HSP90AA1: variants seen among roughly 807,000 people sequenced by gnomAD.
HSP90AA1 encodes the protein heat shock protein HSP 90-alpha.
A neutral mutation model predicts 73.3 loss-of-function variants in HSP90AA1; 18 were observed. That is an observed-to-expected ratio of 0.25 (90% CI 0.17 to 0.36). HSP90AA1 has a LOEUF of 0.36. HSP90AA1 is among the 10% of genes least tolerant of loss of function. HSP90AA1 has a pLI of 1.00. For synonymous variants in HSP90AA1, 477 were observed against 296.9 expected (o/e 1.61, Z -6.24); for missense variants, 704 against 874.2 (o/e 0.81, Z 2.45).
intron 1 of HSP90AA1, among the ~76,000 whole-genome samples, chr14:102,112,487 T>C (rs1254463999): frequency 6.6e-6 from 1 of 152,084 alleles, no homozygotes; most frequent in African/African-American, 2.4e-5. Flanking sequence ...CCTTTTTTTT[T>C]GTTTTAAAAG....
intron 1 of HSP90AA1, among the ~76,000 whole-genome samples, chr14:102,116,200 A>G (rs1357280353): frequency 1.3e-5 from 2 of 151,560 alleles, no homozygotes; most frequent in Admixed American, 6.6e-5. Flanking sequence ...TGATCCACCA[A>G]CCTTGGCCTC....
At chr14:102,089,990 C>G (rs1426726253), upstream of HSP90AA1, among the ~76,000 whole-genome samples, 1 of 152,166 alleles carries the variant, frequency 6.6e-6, no homozygotes, top group Non-Finnish European at 1.5e-5. Context: ...CCTATCTATT[C>G]CCTCCTCCCC....
At chr14:102,136,631 T>TA (rs1005602340) in intron 1 of HSP90AA1, among the ~76,000 whole-genome samples, 127 of 147,156 alleles carry the variant, frequency 8.6e-4, no homozygotes, top group African/African-American at 3.0e-3. Context: ...CTCACGCCTA[T>TA]AATCCCAGCA....
rs1237487725 is a variant in HSP90AA1 at position 102,083,178 on chromosome 14, C to T, written c.1611G>A (p.Glu537=). 6.2e-7 allele frequency: 1 copy of T among 1,613,862 alleles called. No individual in the cohort carries two copies. Among genetic ancestry groups the T allele is most frequent in the African/African-American group, 1.3e-5 (1 of 74,906 alleles). The change falls in exon 9 of 11, where the codon GAG becomes GAA. Residue 537 remains glutamate (E), a synonymous_variant. Transcript: ENST00000216281. ...TGGTGACTGACACTAAAGTCTTCCC[C>T]TCAAATTCCTTCAGCTGTTGGACAC... The part of the protein sequence containing the change: ...EYCVQQLKEF[E]GKTLVSVTKE...
At chr14:102,087,116 T>A (rs1440893555), upstream of HSP90AA1, 2 of 982,912 alleles carry the variant, frequency 2.0e-6, no homozygotes, top group East Asian at 2.3e-4. Context: ...TCCAGAAGCC[T>A]CCCGAACCTT....
chr14:102,133,212 G>T (rs890907477), intron 1 of HSP90AA1, among the ~76,000 whole-genome samples: 2 of 151,878 alleles, frequency 1.3e-5, no homozygotes, highest in African/African-American at 4.8e-5. Context: ...CCCAGGAGGT[G>T]GAGGTTGCAG....
At chr14:102,119,636 G>A (rs1047651119) in intron 1 of HSP90AA1, among the ~76,000 whole-genome samples, 5 of 152,154 alleles carry the variant, frequency 3.3e-5, no homozygotes, top group East Asian at 1.9e-4. Context: ...TTACAAGCAC[G>A]TGCCACCATG....
intron 1 of HSP90AA1, among the ~76,000 whole-genome samples, chr14:102,120,630 G>A (rs1260215895): frequency 6.6e-6 from 1 of 151,874 alleles, no homozygotes; most frequent in African/African-American, 2.4e-5. Flanking sequence ...AACCTATTTT[G>A]TTATAGGTAT....
intron 6 of HSP90AA1, 104 bp downstream of exon 6, chr14:102,084,295 C>T (rs1466527906): frequency 1.4e-5 from 15 of 1,080,880 alleles, no homozygotes; most frequent in Non-Finnish European, 2.1e-5. Flanking sequence ...ATCTGCCCAC[C>T]CCGGCCTCCC....
chr14:102,126,163 G>C (rs2049836532), intron 1 of HSP90AA1, among the ~76,000 whole-genome samples: 1 of 152,136 alleles, frequency 6.6e-6, no homozygotes, highest in African/African-American at 2.4e-5. Context: ...AGTGATTTTT[G>C]GAGTGAAGTC....
intron 1 of HSP90AA1, among the ~76,000 whole-genome samples, chr14:102,105,203 T>C (rs1595670416): frequency 1.4e-5 from 1 of 71,070 alleles, no homozygotes; most frequent in Admixed American, 1.9e-4. Context: ...TGAGAGTCTG[T>C]CTCAAAAAAA....
rs201191285 is a variant in HSP90AA1, at chr14:102,100,722, GC to G, written c.366+1152del. Among the ~76,000 whole-genome samples, 1,495 of 152,336 alleles carry G rather than the reference GC, an allele frequency of 9.8e-3. 38 individuals carry two copies. Among genetic ancestry groups the G allele is most frequent in the African/African-American group, 0.034 (1,419 of 41,580 alleles). On this transcript the variant is annotated intron_variant, in intron 2 of 11. Coordinates refer to the HSP90AA1 transcript ENST00000334701. ...TTACAGGCGTGAGCCACCATGCCCA[GC>G]TCTGATTTTAATTTGCATTTCTTTG... is the stretch of plus-strand genomic sequence containing the variant.
chr14:102,089,233 CTTT>C (rs1012525503), upstream of HSP90AA1, among the ~76,000 whole-genome samples: 3 of 152,178 alleles, frequency 2.0e-5, no homozygotes, highest in Non-Finnish European at 2.9e-5. Flanking sequence ...CTCTGACATT[CTTT>C]GTCCTTTGTT....
At chr14:102,113,628 G>A (rs2152622406) in intron 1 of HSP90AA1, among the ~76,000 whole-genome samples, 1 of 151,960 alleles carries the variant, frequency 6.6e-6, no homozygotes, top group Admixed American at 6.5e-5. Flanking sequence ...TGATCTGCCT[G>A]CTTTGGCCTC....
intron 1 of HSP90AA1, among the ~76,000 whole-genome samples, chr14:102,127,652 T>C (rs1219249593): frequency 6.6e-6 from 1 of 152,126 alleles, no homozygotes; most frequent in Non-Finnish European, 1.5e-5. Context: ...TTATTATATA[T>C]ATACACATAC....
In HSP90AA1 at chr14:102,084,930, T is replaced by C. The variant is rs1339475733; in HGVS notation, c.732A>G (p.Glu244=). 6.3e-7 allele frequency: 1 copy of C among 1,594,004 alleles called. No homozygotes were observed. Among genetic ancestry groups the C allele is most frequent in the Non-Finnish European group, 8.6e-7 (1 of 1,162,168 alleles). The change falls in exon 5 of 11, where the codon GAA becomes GAG. Residue 244 remains glutamate, a synonymous_variant. Transcript: ENST00000216281. ...CCGACTCTTTCTCTTCTTTTTCTTT[T>C]TCTTCTTCTTTGTCTTCCTTTTCTT... ...EAEEKEDKEE[E]KEKEEKESED...
chr14:102,134,935 T>G (rs183101955), intron 1 of HSP90AA1, among the ~76,000 whole-genome samples: 1,770 of 152,334 alleles, frequency 0.012, 14 homozygotes, highest in Non-Finnish European at 0.018. Flanking sequence ...GTCAGGCCGC[T>G]GATTGGTGCG....
chr14:102,087,449 A>G (rs1488141209), upstream of HSP90AA1, among the ~76,000 whole-genome samples: 2 of 151,516 alleles, frequency 1.3e-5, no homozygotes, highest in African/African-American at 4.8e-5. Context: ...GTAGTTGGTC[A>G]CCCGGGCTGA....
chr14:102,114,024 T>G lies in HSP90AA1; in HGVS notation c.156-11939A>C, dbSNP rs536725451. On this transcript the variant is annotated intron_variant, in intron 1 of 11. Coordinates refer to the HSP90AA1 transcript ENST00000334701. Reference sequence around the variant, plus strand: ...TGCACCCCGCCCCCATTTATTTTATTTATTTATTTTTTGTTACAGAGTCTC... The same window carrying G: ...TGCACCCCGCCCCCATTTATTTTATGTATTTATTTTTTGTTACAGAGTCTC... Among the ~76,000 whole-genome samples, 5 of 151,350 alleles carry G rather than the reference T, an allele frequency of 3.3e-5. No individual in the cohort carries two copies. In the East Asian group the frequency reaches 9.8e-4, roughly 30 times the overall value.
Sources: gnomAD v4.1 joint callset for allele counts (sites outside exome capture counted in the v4.1 genomes callset) on GRCh38, gnomAD v4.1.1 for gene constraint, MANE v1.5 for transcripts, NCBI Gene and HGNC (gene_info 2026-07-23, HGNC 2026-07-21) for gene names.